The following OCA2 variants were observed in gnomAD, a reference collection of about 807,000 sequenced individuals.
OCA2 encodes OCA2 melanosomal transmembrane protein.
In OCA2, 77 loss-of-function variants were observed where a neutral mutation model predicts 100.2. The observed-to-expected ratio is 0.77, with a 90% confidence interval of 0.64 to 0.93. OCA2 has a LOEUF of 0.93. Ranked by LOEUF, OCA2 falls within the 40% of genes least tolerant of loss-of-function variation. OCA2 has a pLI of 0.00. For synonymous variants in OCA2, 432 were observed against 439.2 expected, an observed-to-expected ratio of 0.98 and a Z score of 0.21; for missense variants, 1,062 against 1,089.1, an observed-to-expected ratio of 0.98 and a Z score of 0.35.
intron 19 of OCA2, chr15:27,896,456 G>A: frequency 1.6e-6 from 1 of 628,954 alleles, no homozygotes; most frequent in Admixed American, 2.3e-5. Flanking sequence ...TCTAGGAGAA[G>A]AAGCCCAAGA....
intron 19 of OCA2, among the ~76,000 whole-genome samples, chr15:27,897,056 G>C (rs908518020): frequency 3.9e-5 from 6 of 152,088 alleles, no homozygotes; most frequent in African/African-American, 9.7e-5. Context: ...CGGGTGTGGT[G>C]GTGGGTGCCT....
chr15:27,721,843 G>A, the OCA2 span, among the ~76,000 whole-genome samples: 2 of 152,112 alleles, frequency 1.3e-5, no homozygotes, highest in Admixed American at 1.3e-4. Flanking sequence ...AAAAGGTAAT[G>A]TGTTCTTTAG....
At chr15:27,909,989 A>G (rs2038324341) in intron 19 of OCA2, among the ~76,000 whole-genome samples, 1 of 152,220 alleles carries the variant, frequency 6.6e-6, no homozygotes, top group South Asian at 2.1e-4. Context: ...AATATCCCTA[A>G]TAAATAAAGA....
intron 19 of OCA2, among the ~76,000 whole-genome samples, chr15:27,903,977 G>A (rs2038068293): frequency 6.6e-6 from 1 of 152,040 alleles, no homozygotes; most frequent in South Asian, 2.1e-4. Flanking sequence ...TTTAATGAGG[G>A]GATTTTTAAA....
intron 23 of OCA2, among the ~76,000 whole-genome samples, chr15:27,830,437 A>G (rs1648238088): frequency 6.6e-6 from 1 of 152,246 alleles, no homozygotes; most frequent in African/African-American, 2.4e-5. Context: ...TAAATAAATT[A>G]AATACTTAAA....
chr15:27,763,440 C>T (rs1204410483), intron 23 of OCA2, among the ~76,000 whole-genome samples: 1 of 152,162 alleles, frequency 6.6e-6, no homozygotes, highest in African/African-American at 2.4e-5. Context: ...TCTCAAAACT[C>T]AGTGGTACAA....
At chr15:27,745,404 G>C in the OCA2 span, among the ~76,000 whole-genome samples, 2 of 152,182 alleles carry the variant, frequency 1.3e-5, no homozygotes, top group Admixed American at 6.5e-5. Context: ...TTATTCTCAA[G>C]ATATTGGGAT....
rs866123222 is a variant in OCA2 at position 27,999,469 on chromosome 15, C to T, written c.1045-8822G>A. ...AAGGTATAGAATAAATGTACCACAA[C>T]GTAATAAAGACCATATATAACAAGC... On this transcript the variant is annotated intron_variant, in intron 9 of 23. Coordinates refer to ENST00000354638, the MANE Select transcript of OCA2 (RefSeq NM_000275.3). 8.7e-4 allele frequency among the ~76,000 whole-genome samples: 132 copies of T among 152,214 alleles called. 3 individuals carry two copies. The highest frequency in any genetic ancestry group is 1.5e-3 in the South Asian group (7 of 4,822).
chr15:28,017,088 G>A (rs920816056), intron 7 of OCA2, among the ~76,000 whole-genome samples: 2 of 151,850 alleles, frequency 1.3e-5, no homozygotes, highest in African/African-American at 2.4e-5. Flanking sequence ...GACCCTCAAT[G>A]GGAAGATGCG....
chr15:28,082,235 A>G (rs1325770092), intron 1 of OCA2, among the ~76,000 whole-genome samples: 4 of 152,178 alleles, frequency 2.6e-5, no homozygotes, highest in Non-Finnish European at 5.9e-5. Context: ...ACTCTGTAAA[A>G]TGGACCAATC....
At chr15:27,998,161 C>A (rs1162194455) in intron 9 of OCA2, among the ~76,000 whole-genome samples, 4 of 128,512 alleles carry the variant, frequency 3.1e-5, no homozygotes, top group Non-Finnish European at 7.2e-5. Context: ...GTCTAAAATA[C>A]CAAAAACAAT....
At chr15:28,023,834 G>A (rs559420174) in intron 5 of OCA2, among the ~76,000 whole-genome samples, 1 of 151,644 alleles carries the variant, frequency 6.6e-6, no homozygotes, top group South Asian at 2.1e-4. Context: ...CAGGCACAGG[G>A]GACCACACAC....
At chr15:27,896,197 G>C in intron 19 of OCA2, 1 of 915,252 alleles carries the variant, frequency 1.1e-6, no homozygotes, top group Non-Finnish European at 1.8e-6. Flanking sequence ...GCTGTAGATA[G>C]AGGCTTGTCT....
intron 21 of OCA2, among the ~76,000 whole-genome samples, chr15:27,860,346 A>G (rs1395907533): frequency 1.3e-5 from 2 of 152,218 alleles, no homozygotes. Flanking sequence ...CAGGTTTGTT[A>G]CATGGATATC....
At chr15:27,767,040 G>A (rs929190537) in intron 23 of OCA2, among the ~76,000 whole-genome samples, 5 of 151,670 alleles carry the variant, frequency 3.3e-5, no homozygotes, top group African/African-American at 1.2e-4. Flanking sequence ...ACCGGCCTCT[G>A]GAGTTGGGCT....
chr15:27,940,494 T>C (rs1567132611), intron 18 of OCA2, among the ~76,000 whole-genome samples: 1 of 152,196 alleles, frequency 6.6e-6, no homozygotes, highest in Non-Finnish European at 1.5e-5. Context: ...GCTGTTTCTA[T>C]GGTGGCATCA....
intron 21 of OCA2, among the ~76,000 whole-genome samples, chr15:27,855,700 G>A (rs2035922894): frequency 6.6e-6 from 1 of 152,132 alleles, no homozygotes; most frequent in Admixed American, 6.5e-5. Context: ...TCCATTTTGT[G>A]TCTGGTTCTG....
intron 18 of OCA2, among the ~76,000 whole-genome samples, chr15:27,928,632 C>T (rs562810966): frequency 6.6e-6 from 1 of 152,200 alleles, no homozygotes; most frequent in East Asian, 1.9e-4. Flanking sequence ...AGACTGAGGC[C>T]CCTGTTTCCT....
At chr15:28,017,937 A>C (rs1418348498) in intron 7 of OCA2, among the ~76,000 whole-genome samples, 1 of 152,112 alleles carries the variant, frequency 6.6e-6, no homozygotes, top group Non-Finnish European at 1.5e-5. Context: ...TGAAGGCTTG[A>C]CAAGGCTCAG....
Sources: allele counts gnomAD v4.1 joint callset (sites outside exome capture counted in the v4.1 genomes callset), GRCh38; gene constraint gnomAD v4.1.1; transcripts MANE v1.5; gene names NCBI Gene and HGNC (gene_info 2026-07-23, HGNC 2026-07-21).